Variants in ASIC2 observed in about 807,000 individuals in gnomAD.
ASIC2 encodes the protein acid-sensing ion channel 2.
A neutral mutation model predicts 57.3 loss-of-function variants in ASIC2; 25 were observed. The ratio of observed to expected loss-of-function variants is 0.44; its 90% CI spans 0.32 to 0.61. ASIC2 has a LOEUF of 0.61. Among genes scored for constraint, ASIC2 ranks in the 20% least tolerant of loss-of-function variants. The probability of loss-of-function intolerance (pLI) is 0.06; values close to 1 mark genes in which losing one functional copy is unlikely to be tolerated. For missense variants in ASIC2, 641 were observed against 738.1 expected (o/e 0.87, Z 1.52); for synonymous variants, 319 against 307.5 (o/e 1.04, Z -0.39).
chr17:33,933,788 C>A (rs558119288), intron 1 of ASIC2, among the ~76,000 whole-genome samples: 5 of 152,326 alleles, frequency 3.3e-5, no homozygotes, highest in African/African-American at 1.2e-4. Flanking sequence ...ATCACAGAAT[C>A]CTTTGAGGAG....
chr17:33,685,884 G>A (rs935852529), intron 1 of ASIC2, among the ~76,000 whole-genome samples: 2 of 152,140 alleles, frequency 1.3e-5, no homozygotes, highest in African/African-American at 4.8e-5. Context: ...AAAGGACCAG[G>A]CAGGAGGTTA....
rs537261863 is a variant in ASIC2 at position 33,999,957 on chromosome 17, A to T, written c.555+156021T>A. On this transcript the variant is annotated intron_variant, in intron 1 of 9. Transcript: ENST00000359872. Reference sequence around the variant, plus strand: ...AGTGCTCTAGTGGTGATGATCTCCCACAGATTTTGTTTGTCTGTGGAAGTC... The same window carrying T: ...AGTGCTCTAGTGGTGATGATCTCCCTCAGATTTTGTTTGTCTGTGGAAGTC... 2.6e-5 allele frequency among the ~76,000 whole-genome samples: 4 copies of T among 152,056 alleles called. No homozygotes were observed. The South Asian group carries it at 8.3e-4, about 32-fold the overall frequency.
intron 1 of ASIC2, among the ~76,000 whole-genome samples, chr17:33,789,425 A>C (rs1387036819): frequency 6.6e-6 from 1 of 151,610 alleles, no homozygotes; most frequent in Non-Finnish European, 1.5e-5. Context: ...ATAGACAAGG[A>C]AACAGGCTTT....
At chr17:33,228,330 G>T (rs997279296) in intron 1 of ASIC2, among the ~76,000 whole-genome samples, 1 of 152,160 alleles carries the variant, frequency 6.6e-6, no homozygotes, top group Non-Finnish European at 1.5e-5. Context: ...TTTATGCAAC[G>T]TAAATGTTAT....
chr17:33,040,368 CA>C (rs1159979307), intron 3 of ASIC2, among the ~76,000 whole-genome samples: 1 of 152,220 alleles, frequency 6.6e-6, no homozygotes, highest in Non-Finnish European at 1.5e-5. Flanking sequence ...ATGGTGTCAG[CA>C]ATGCAATGTA....
At chr17:33,344,620 G>A (rs190543084) in intron 1 of ASIC2, among the ~76,000 whole-genome samples, 2 of 152,224 alleles carry the variant, frequency 1.3e-5, no homozygotes, top group Admixed American at 6.5e-5. Context: ...TGCAGGGTGG[G>A]AATGAAAGTT....
At chr17:34,032,086 G>C (rs1365314478) in intron 1 of ASIC2, among the ~76,000 whole-genome samples, 2 of 152,082 alleles carry the variant, frequency 1.3e-5, no homozygotes, top group Non-Finnish European at 2.9e-5. Context: ...TGGAATGAAG[G>C]AAAAAATGAT....
At chr17:33,546,142 TGTATATGTAAATATATATACATAA>T (rs971924566) in intron 1 of ASIC2, among the ~76,000 whole-genome samples, 12 of 150,108 alleles carry the variant, frequency 8.0e-5, no homozygotes, top group South Asian at 2.1e-4. Context: ...TATACACATA[TGTATATGTAAATATATATACATAA>T]GTATATGTAA....
At chr17:34,069,309 CCTTT>C (rs148586763) in intron 1 of ASIC2, 5 of 145,324 alleles carry the variant, frequency 3.4e-5, no homozygotes, top group Middle Eastern at 3.4e-3. Flanking sequence ...TTCCTTCCTT[CCTTT>C]CTTCCTTTCC....
chr17:33,051,397 A>G (rs148803309), intron 3 of ASIC2, among the ~76,000 whole-genome samples: 609 of 152,298 alleles, frequency 4.0e-3, no homozygotes, highest in African/African-American at 0.014. Context: ...GAGGAAGAAT[A>G]TGATCCCATA....
chr17:33,942,081 A>G (rs1363757570), intron 1 of ASIC2, among the ~76,000 whole-genome samples: 1 of 152,174 alleles, frequency 6.6e-6, no homozygotes, highest in Non-Finnish European at 1.5e-5. Flanking sequence ...GGCTGCAGGA[A>G]GAGACAACAG....
chr17:33,064,858 T>C (rs2092036516), intron 3 of ASIC2, among the ~76,000 whole-genome samples: 1 of 152,226 alleles, frequency 6.6e-6, no homozygotes, highest in African/African-American at 2.4e-5. Context: ...TTTTATTCTT[T>C]CTACTTTTCT....
intron 1 of ASIC2, among the ~76,000 whole-genome samples, chr17:34,131,225 T>C (rs956685041): frequency 2.6e-4 from 39 of 152,208 alleles, no homozygotes; most frequent in African/African-American, 9.4e-4. Context: ...GAGCCATTGA[T>C]GGACTGGGAC....
intron 1 of ASIC2, among the ~76,000 whole-genome samples, chr17:33,556,899 CAT>C (rs969399339): frequency 1.3e-5 from 2 of 152,198 alleles, no homozygotes; most frequent in African/African-American, 4.8e-5. Context: ...AGCAGTAGAA[CAT>C]GTCTTGGTCT....
At chr17:33,782,595 G>A (rs1338296576) in intron 1 of ASIC2, among the ~76,000 whole-genome samples, 2 of 151,968 alleles carry the variant, frequency 1.3e-5, no homozygotes, top group Non-Finnish European at 2.9e-5. Context: ...TGGGCTTGGC[G>A]GCATATGCCT....
rs577959568 is a variant in ASIC2 at position 34,032,119 on chromosome 17, C to T, written c.555+123859G>A. The stretch of plus-strand genomic sequence containing the variant: ...GATCAGGGTAGCCAGAGAGAAAGGT[C>T]AGGTTACCCACAAAGGGAAACCCAT... On this transcript the variant is annotated intron_variant, in intron 1 of 9. Transcript: ENST00000359872. 2.8e-4 allele frequency among the ~76,000 whole-genome samples: 43 copies of T among 152,284 alleles called. 1 individual carries two copies. The South Asian group carries it at 8.1e-3, about 29-fold the overall frequency.
At chr17:33,194,560 A>G (rs1038868534) in intron 1 of ASIC2, among the ~76,000 whole-genome samples, 1 of 152,232 alleles carries the variant, frequency 6.6e-6, no homozygotes. Context: ...TTAAAGATCT[A>G]TACATGAAAT....
chr17:33,898,481 C>T, intron 1 of ASIC2, among the ~76,000 whole-genome samples: 1 of 151,634 alleles, frequency 6.6e-6, no homozygotes, highest in Non-Finnish European at 1.5e-5. Flanking sequence ...TGTGATCTGC[C>T]TGCCTCAGCC....
At chr17:33,501,332 C>T (rs1209946956) in intron 1 of ASIC2, among the ~76,000 whole-genome samples, 5 of 152,310 alleles carry the variant, frequency 3.3e-5, no homozygotes, top group South Asian at 2.1e-4. Flanking sequence ...GCTGCCTGTG[C>T]GTTGGGAGGC....
Sources: allele counts gnomAD v4.1 joint callset (sites outside exome capture counted in the v4.1 genomes callset), GRCh38; gene constraint gnomAD v4.1.1; transcripts MANE v1.5; gene names NCBI Gene and HGNC (gene_info 2026-07-23, HGNC 2026-07-21).